Variants in MB observed in about 807,000 individuals in gnomAD.
The protein encoded by MB is myoglobin, also known as nitrite reductase MB.
MB carries 10 observed loss-of-function variants against 14.5 expected under a neutral mutation model. The observed-to-expected ratio is 0.69, with a 90% CI of 0.43 to 1.17. The LOEUF (loss-of-function observed/expected upper bound fraction) is 1.17. Ranked by LOEUF, MB falls within the 50% of genes most tolerant of loss-of-function variation. The pLI is 0.00. For missense variants in MB, 169 were observed against 192.7 expected, an observed-to-expected ratio of 0.88 and a Z score of 0.73; for synonymous variants, 89 against 78.6, an observed-to-expected ratio of 1.13 and a Z score of -0.70.
upstream of MB, among the ~76,000 whole-genome samples, chr22:35,619,111 G>A (rs1430771148): frequency 6.6e-6 from 1 of 152,194 alleles, no homozygotes; most frequent in Non-Finnish European, 1.5e-5. Flanking sequence ...CCTACTGTGT[G>A]TCAGACACTG....
intron 1 of MB, chr22:35,622,396 AC>A (rs1923528392): frequency 1.3e-5 from 2 of 152,170 alleles, no homozygotes; most frequent in African/African-American, 2.4e-5. Context: ...GGGCAGCAGA[AC>A]CCCCAAGCTT....
chr22:35,616,942 A>G, intron 1 of MB: 2 of 545,478 alleles, frequency 3.7e-6, no homozygotes, highest in Admixed American at 6.7e-5. Context: ...TTTGATTCTC[A>G]TGCTTCCTCC....
At chr22:35,621,204 G>A (rs773413621), upstream of MB, among the ~76,000 whole-genome samples, 12 of 152,044 alleles carry the variant, frequency 7.9e-5, no homozygotes, top group Admixed American at 3.9e-4. Flanking sequence ...AGCCTTACAC[G>A]CTCATGCTAC....
chr22:35,617,863 A>G (rs1349093007), upstream of MB, among the ~76,000 whole-genome samples: 1 of 152,040 alleles, frequency 6.6e-6, no homozygotes, highest in African/African-American at 2.4e-5. Flanking sequence ...CAAGTCCACA[A>G]TCTCTTAGAG....
In MB at chr22:35,611,042, C is replaced by A; in HGVS notation, c.160G>T (p.Asp54Tyr). The A allele has an allele frequency of 6.2e-7, 1 of 1,614,142 alleles. No individual in the cohort carries two copies. The highest frequency in any genetic ancestry group is 8.5e-7 in the Non-Finnish European group (1 of 1,180,008). The stretch of plus-strand genomic sequence containing the variant: ...AAGTCCTCAGACGCCTTCATCTCGT[C>A]CTCTGACTTCAGGTGCTTGAACTTG... ...FDKFKHLKSE[D>Y]EMKASEDLKK... The change falls in exon 2 of 3, where the codon GAC becomes TAC. Residue 54 changes from aspartate (D) to tyrosine (Y), a missense_variant. Coordinates refer to ENST00000397326, the MANE Select transcript of MB (RefSeq NM_005368.3).
Position 35,611,028 on chromosome 22 carries a change from C to T in MB, c.174G>A (p.Ala58=), listed in dbSNP as rs7293. The change falls in exon 2 of 3, where the codon GCG becomes GCA. Residue 58 remains alanine, a synonymous_variant. Transcript: ENST00000397326. ...CACCATGCTTCTTTAAGTCCTCAGACGCCTTCATCTCGTCCTCTGACTTCA... is the reference window on the plus strand; with the variant it reads ...CACCATGCTTCTTTAAGTCCTCAGATGCCTTCATCTCGTCCTCTGACTTCA... ...KHLKSEDEMK[A]SEDLKKHGAT... The T allele has an allele frequency of 0.48, 767,817 of 1,613,378 alleles. 185,022 individuals are homozygous for T. Among genetic ancestry groups the T allele is most frequent in the East Asian group, 0.74 (33,116 of 44,856 alleles).
upstream of MB, among the ~76,000 whole-genome samples, chr22:35,620,468 T>C (rs1362321207): frequency 1.3e-5 from 2 of 152,170 alleles, no homozygotes; most frequent in Non-Finnish European, 2.9e-5. Flanking sequence ...AGGCCCAGCC[T>C]CAGAAGGAAA....
chr22:35,609,099 C>T (rs915060678), intron 2 of MB, among the ~76,000 whole-genome samples: 31 of 152,198 alleles, frequency 2.0e-4, no homozygotes, highest in Non-Finnish European at 4.1e-4. Context: ...CTATCCAACA[C>T]TCGGCTTCTT....
intron 1 of MB, among the ~76,000 whole-genome samples, chr22:35,613,790 A>C (rs954305595): frequency 2.6e-5 from 4 of 151,906 alleles, no homozygotes; most frequent in African/African-American, 9.7e-5. Context: ...GAGCCACCCC[A>C]CCCCACCCCA....
intron 1 of MB, chr22:35,622,668 A>G (rs1331228397): frequency 6.6e-6 from 1 of 152,384 alleles, no homozygotes; most frequent in Non-Finnish European, 1.5e-5. Context: ...CAGGGACACA[A>G]CATCCTAATC....
chr22:35,619,531 A>G (rs555345904), upstream of MB, among the ~76,000 whole-genome samples: 4 of 152,280 alleles, frequency 2.6e-5, no homozygotes, highest in African/African-American at 9.6e-5. Context: ...ATGTTCTGGG[A>G]CACACAGTTC....
Position 35,611,113 on chromosome 22 carries a change from G to A in MB, c.96-7C>T, listed in dbSNP as rs1426747048. 6.2e-7 allele frequency: 1 copy of A among 1,609,792 alleles called. No homozygotes were observed. Among genetic ancestry groups the A allele is most frequent in the Admixed American group, 1.7e-5 (1 of 59,992 alleles). Reference sequence around the variant, plus strand: ...TGGGTGACCCTTAAAGAGCCTGTGGGCACAGGGAAGGCTGGAGTCGGCATG... The same window carrying A: ...TGGGTGACCCTTAAAGAGCCTGTGGACACAGGGAAGGCTGGAGTCGGCATG... On this transcript the variant is annotated splice_polypyrimidine_tract_variant and splice_region_variant and intron_variant, in intron 1 of 2. Coordinates refer to ENST00000397326, the MANE Select transcript of MB (RefSeq NM_005368.3).
chr22:35,619,002 C>T (rs1383030130), upstream of MB, among the ~76,000 whole-genome samples: 1 of 151,646 alleles, frequency 6.6e-6, no homozygotes, highest in Non-Finnish European at 1.5e-5. Context: ...ATCCCCCCTC[C>T]ATCCATCTAT....
chr22:35,619,883 T>G (rs1403182806), upstream of MB, among the ~76,000 whole-genome samples: 4 of 152,234 alleles, frequency 2.6e-5, no homozygotes, highest in Non-Finnish European at 5.9e-5. Flanking sequence ...CTGAGTCGGC[T>G]GACTCCTAGC....
chr22:35,611,781 G>C (rs1243120379), intron 1 of MB, among the ~76,000 whole-genome samples: 1 of 149,610 alleles, frequency 6.7e-6, no homozygotes, highest in Non-Finnish European at 1.5e-5. Flanking sequence ...CTGGGACTCT[G>C]AGCAGCCACC....
At chr22:35,614,259 G>C (rs1223393421) in intron 1 of MB, among the ~76,000 whole-genome samples, 1 of 152,300 alleles carries the variant, frequency 6.6e-6, no homozygotes, top group South Asian at 2.1e-4. Flanking sequence ...CCCGTCTTGC[G>C]TGTGGCAAGG....
upstream of MB, chr22:35,617,455 TC>T: frequency 1.7e-6 from 1 of 588,584 alleles, no homozygotes; most frequent in Non-Finnish European, 3.0e-6. Flanking sequence ...GAGGGTCTAA[TC>T]TTTTCCTTTC....
At chr22:35,619,586 T>C (rs972961539), upstream of MB, among the ~76,000 whole-genome samples, 1 of 152,218 alleles carries the variant, frequency 6.6e-6, no homozygotes, top group African/African-American at 2.4e-5. Flanking sequence ...AGAAAGCCAA[T>C]GTCAGGGCTC....
At chr22:35,610,830 G>T in intron 2 of MB, 54 bp downstream of exon 2, 1 of 1,431,498 alleles carries the variant, frequency 7.0e-7, no homozygotes, top group Non-Finnish European at 9.7e-7. Context: ...AGATCCCATT[G>T]CCCCACCCGA....
Sources: gnomAD v4.1 joint callset for allele counts (sites outside exome capture counted in the v4.1 genomes callset) on GRCh38, gnomAD v4.1.1 for gene constraint, MANE v1.5 for transcripts, NCBI Gene and HGNC (gene_info 2026-07-23, HGNC 2026-07-21) for gene names.